PMFBP1: variants seen among roughly 807,000 people sequenced by gnomAD.
PMFBP1 encodes polyamine-modulated factor 1-binding protein 1.
Under a neutral mutation model 137.8 loss-of-function variants are expected in PMFBP1, and 131 were observed. The observed-to-expected ratio is 0.95, with a 90% CI of 0.82 to 1.10. The LOEUF (loss-of-function observed/expected upper bound fraction) is 1.10. Among genes scored for constraint, PMFBP1 ranks in the 50% least tolerant of loss-of-function variants. PMFBP1 has a pLI of 0.00. For missense variants in PMFBP1, 1,199 were observed against 1,175.4 expected, an observed-to-expected ratio of 1.02 and a Z score of -0.29; for synonymous variants, 490 against 450.4, an observed-to-expected ratio of 1.09 and a Z score of -1.11.
At chr16:72,204,309 T>C in the PMFBP1 span, among the ~76,000 whole-genome samples, 1 of 152,014 alleles carries the variant, frequency 6.6e-6, no homozygotes, top group African/African-American at 2.4e-5. Context: ...TGCCTCAGCC[T>C]TTTGAGCTGC....
chr16:72,159,697 T>C (rs1220082525), intron 3 of PMFBP1, among the ~76,000 whole-genome samples: 1 of 152,150 alleles, frequency 6.6e-6, no homozygotes, highest in African/African-American at 2.4e-5. Context: ...TCTAAAGGAA[T>C]AGAAAAAGAC....
At chr16:72,176,809 T>C (rs3911923), upstream of PMFBP1, 1 of 152,264 alleles carries the variant, frequency 6.6e-6, no homozygotes, top group Non-Finnish European at 1.5e-5. Context: ...GATCTCTCTC[T>C]ACAGTTCACT....
chr16:72,225,910 C>G, the PMFBP1 span, among the ~76,000 whole-genome samples: 2 of 145,958 alleles, frequency 1.4e-5, no homozygotes, highest in Non-Finnish European at 3.0e-5. Flanking sequence ...TGTACATCCA[C>G]ACACACATGC....
chr16:72,190,182 A>G, the PMFBP1 span, among the ~76,000 whole-genome samples: 1 of 152,210 alleles, frequency 6.6e-6, no homozygotes, highest in East Asian at 1.9e-4. Context: ...GGCCTCTCCC[A>G]TAATCCTAAT....
intron 15 of PMFBP1, 71 bp downstream of exon 15, chr16:72,125,897 T>G (rs746231744): frequency 2.4e-5 from 37 of 1,550,776 alleles, no homozygotes; most frequent in Non-Finnish European, 1.5e-5. Context: ...AATTGGCTCC[T>G]GTGCTTCTCC....
rs375971905 is a variant in PMFBP1, at chr16:72,134,924, G to A, written c.1203+1524C>T. On this transcript the variant is annotated intron_variant, in intron 9 of 20. Transcript: ENST00000237353. ...GTTTACCGGCTGTCTCCCTACACAG[G>A]AGTGCAAGCTCTATGACAAGAGGCA... Among the ~76,000 whole-genome samples the A allele has an allele frequency of 1.9e-4, 29 of 152,312 alleles. No homozygotes were observed. In the East Asian group the frequency reaches 2.9e-3, roughly 15 times the overall value.
chr16:72,207,712 G>GTT, the PMFBP1 span, among the ~76,000 whole-genome samples: 1 of 113,680 alleles, frequency 8.8e-6, no homozygotes, highest in African/African-American at 2.7e-5. Context: ...AGTAGGGCAT[G>GTT]TGTGTGTGTG....
the PMFBP1 span, among the ~76,000 whole-genome samples, chr16:72,186,839 G>C: frequency 6.6e-6 from 1 of 152,012 alleles, no homozygotes; most frequent in African/African-American, 2.4e-5. Flanking sequence ...CAGGCTGGGC[G>C]AGGTGGCTCA....
intron 4 of PMFBP1, among the ~76,000 whole-genome samples, chr16:72,152,844 CAAAAAAAAAAAAA>C (rs34108768): frequency 1.5e-5 from 1 of 65,054 alleles, no homozygotes; most frequent in Non-Finnish European, 2.8e-5. Context: ...GACTTCGTCT[CAAAAAAAAAAAAA>C]AAAAAAAAAA....
At chr16:72,133,050 T>A in intron 9 of PMFBP1, 59 bp from the exon 10 acceptor site, 1 of 1,584,918 alleles carries the variant, frequency 6.3e-7, no homozygotes, top group East Asian at 2.2e-5. Context: ...GTGAAGGCAA[T>A]GAGAGGTTGT....
chr16:72,207,232 G>T, the PMFBP1 span, among the ~76,000 whole-genome samples: 1 of 152,188 alleles, frequency 6.6e-6, no homozygotes, highest in Non-Finnish European at 1.5e-5. Flanking sequence ...TGCACATGAG[G>T]AGGAGGCTGG....
At chr16:72,150,558 C>G (rs1385442929) in intron 5 of PMFBP1, 50 bp downstream of exon 5, 5 of 1,577,956 alleles carry the variant, frequency 3.2e-6, no homozygotes, top group Non-Finnish European at 4.4e-6. Context: ...AGGGGACCAC[C>G]TGGGAGCACA....
the PMFBP1 span, among the ~76,000 whole-genome samples, chr16:72,242,915 C>T: frequency 6.6e-6 from 1 of 152,112 alleles, no homozygotes; most frequent in Non-Finnish European, 1.5e-5. Flanking sequence ...GGGAGGAGAG[C>T]GACGAAGGCG....
At chr16:72,124,538 T>C (rs1296438419) in intron 17 of PMFBP1, among the ~76,000 whole-genome samples, 1 of 152,174 alleles carries the variant, frequency 6.6e-6, no homozygotes, top group Non-Finnish European at 1.5e-5. Flanking sequence ...GACAGTCTCT[T>C]CTCTAGAATG....
At chr16:72,220,720 A>G in the PMFBP1 span, among the ~76,000 whole-genome samples, 9 of 152,302 alleles carry the variant, frequency 5.9e-5, no homozygotes, top group Non-Finnish European at 1.3e-4. Context: ...CAGGCCTTGC[A>G]GGATGCAAGG....
At chr16:72,182,863 C>T in the PMFBP1 span, among the ~76,000 whole-genome samples, 1 of 152,196 alleles carries the variant, frequency 6.6e-6, no homozygotes, top group Non-Finnish European at 1.5e-5. Flanking sequence ...CTGCCTCTCT[C>T]CCCTCCGCTC....
intron 5 of PMFBP1, among the ~76,000 whole-genome samples, chr16:72,144,506 C>G (rs977676436): frequency 1.3e-5 from 2 of 152,038 alleles, no homozygotes; most frequent in Non-Finnish European, 2.9e-5. Context: ...GGTACCTGAA[C>G]CAGTGTGGAA....
At chr16:72,164,259 G>A in intron 3 of PMFBP1, 4 of 488,372 alleles carry the variant, frequency 8.2e-6, no homozygotes, top group Non-Finnish European at 1.4e-5. Context: ...TAACTCTTGA[G>A]AACCTGAGCT....
chr16:72,169,237 C>T (rs142229543), intron 2 of PMFBP1, among the ~76,000 whole-genome samples: 1 of 152,282 alleles, frequency 6.6e-6, no homozygotes, highest in African/African-American at 2.4e-5. Context: ...AATATCACAA[C>T]CATTCAATTT....
Sources: gnomAD v4.1 joint callset for allele counts (sites outside exome capture counted in the v4.1 genomes callset) on GRCh38, gnomAD v4.1.1 for gene constraint, MANE v1.5 for transcripts, NCBI Gene and HGNC (gene_info 2026-07-23, HGNC 2026-07-21) for gene names.